Variants in PTK2 observed in about 807,000 individuals in gnomAD.
PTK2 encodes protein tyrosine kinase 2.
Under a neutral mutation model 150.1 loss-of-function variants are expected in PTK2, and 45 were observed. The observed-to-expected ratio is 0.30, with a 90% CI of 0.24 to 0.38. The LOEUF is 0.38. PTK2 is among the 10% of genes least tolerant of loss of function. PTK2 has a pLI of 1.00. For missense variants in PTK2, 919 were observed against 1,307.3 expected, an observed-to-expected ratio of 0.70 and a Z score of 4.58; for synonymous variants, 432 against 449.2, an observed-to-expected ratio of 0.96 and a Z score of 0.48.
rs528775290 is a variant in PTK2 at position 140,693,475 on chromosome 8, G to T, written c.2500-6781C>A. 5.4e-5 allele frequency among the ~76,000 whole-genome samples: 8 copies of T among 146,946 alleles called. No individual in the cohort carries two copies. In the South Asian group the frequency reaches 1.5e-3, roughly 28 times the overall value. On this transcript the variant is annotated intron_variant, in intron 26 of 31. Coordinates refer to ENST00000522684, the Ensembl canonical transcript of PTK2. ...TGGAAGGAGGCTGAGGCAGGAGGAT[G>T]ACTTGAGCCCAGGAGGTTAGGGATG...
intron 22 of PTK2, among the ~76,000 whole-genome samples, chr8:140,722,453 A>T (rs2100043470): frequency 6.6e-6 from 1 of 151,680 alleles, no homozygotes; most frequent in South Asian, 2.1e-4. Context: ...TTAAATAATA[A>T]ATAAAAATCT....
intron 10 of PTK2, among the ~76,000 whole-genome samples, chr8:140,817,783 A>T (rs933203487): frequency 6.6e-6 from 1 of 152,224 alleles, no homozygotes; most frequent in Admixed American, 6.5e-5. Context: ...TCTGCTAGGA[A>T]GATAACAAAA....
intron 10 of PTK2, among the ~76,000 whole-genome samples, chr8:140,815,282 A>G (rs2100104050): frequency 6.6e-6 from 1 of 152,032 alleles, no homozygotes; most frequent in Non-Finnish European, 1.5e-5. Flanking sequence ...GCTGGAGGCC[A>G]TTATCTTTAG....
chr8:140,944,188 C>T (rs1569324241), intron 1 of PTK2, among the ~76,000 whole-genome samples: 1 of 152,094 alleles, frequency 6.6e-6, no homozygotes, highest in Non-Finnish European at 1.5e-5. Context: ...CAAAATTTTC[C>T]CTGTTTTGAC....
intron 4 of PTK2, among the ~76,000 whole-genome samples, chr8:140,870,268 T>TA (rs2100141749): frequency 6.6e-6 from 1 of 152,208 alleles, no homozygotes; most frequent in East Asian, 1.9e-4. Flanking sequence ...ACAATACACT[T>TA]AATCACCCCT....
chr8:140,875,245 T>G (rs2100144829), intron 4 of PTK2, among the ~76,000 whole-genome samples: 1 of 151,376 alleles, frequency 6.6e-6, no homozygotes, highest in Admixed American at 6.6e-5. Flanking sequence ...GGAGCTAGAG[T>G]TGAGAAAGTG....
rs114226321 is a variant in PTK2 at position 140,764,172 on chromosome 8, C to T, written c.1234+62G>A. The stretch of plus-strand genomic sequence containing the variant: ...CTAAAAAGACAGTAAGTATCAATAA[C>T]TTTTAAATGCAAGGAGGCATCTGTC... On this transcript the variant is annotated intron_variant, in intron 15 of 31. Transcript: ENST00000522684. 2.9e-6 allele frequency: 4 copies of T among 1,358,706 alleles called. No homozygotes were observed. The African/African-American group carries it at 5.7e-5, about 19-fold the overall frequency. The allele number at this position is 1,358,706 out of a possible 1,614,324, so 84.2% of individuals were successfully genotyped here.
intron 3 of PTK2, among the ~76,000 whole-genome samples, chr8:140,885,622 G>A (rs1286285043): frequency 6.6e-6 from 1 of 152,212 alleles, no homozygotes; most frequent in African/African-American, 2.4e-5. Context: ...AGGGCAGGGT[G>A]AGAACAAGCA....
intron 4 of PTK2, among the ~76,000 whole-genome samples, chr8:140,878,751 C>T (rs2100147152): frequency 6.6e-6 from 1 of 151,440 alleles, no homozygotes; most frequent in African/African-American, 2.4e-5. Flanking sequence ...AAATTAGAAC[C>T]CTAGTGAAAG....
At chr8:140,827,403 C>T (rs930942194) in intron 8 of PTK2, among the ~76,000 whole-genome samples, 11 of 152,046 alleles carry the variant, frequency 7.2e-5, no homozygotes, top group African/African-American at 2.4e-4. Context: ...TTATCTGATA[C>T]CCAGGTACAG....
intron 12 of PTK2, among the ~76,000 whole-genome samples, chr8:140,798,036 T>C (rs572497486): frequency 6.6e-6 from 1 of 152,154 alleles, no homozygotes; most frequent in African/African-American, 2.4e-5. Context: ...CCAATTCACA[T>C]GTAGAATGTA....
At chr8:140,855,539 G>A (rs559407269) in intron 5 of PTK2, among the ~76,000 whole-genome samples, 218 of 152,118 alleles carry the variant, frequency 1.4e-3, no homozygotes, top group African/African-American at 4.9e-3. Flanking sequence ...AGGTTGCAGT[G>A]AGCCAAGATC....
At chr8:140,955,362 C>A (rs1306511641) in intron 1 of PTK2, among the ~76,000 whole-genome samples, 6 of 152,144 alleles carry the variant, frequency 3.9e-5, no homozygotes, top group African/African-American at 9.7e-5. Context: ...CTCTCTCTTG[C>A]CTGCTGCCGT....
At chr8:140,929,044 C>A (rs1041731151) in intron 1 of PTK2, among the ~76,000 whole-genome samples, 55 of 132,034 alleles carry the variant, frequency 4.2e-4, no homozygotes, top group Admixed American at 1.3e-3. Flanking sequence ...CGGCTCACTG[C>A]AAGCTCCGCC....
At chr8:140,660,348 C>T (rs2152468925) in intron 31 of PTK2, among the ~76,000 whole-genome samples, 1 of 152,272 alleles carries the variant, frequency 6.6e-6, no homozygotes, top group Admixed American at 6.5e-5. Flanking sequence ...AGGACAAAAG[C>T]CTCAGTTCTG....
chr8:140,877,660 A>T (rs970842548), intron 4 of PTK2, among the ~76,000 whole-genome samples: 1 of 151,998 alleles, frequency 6.6e-6, no homozygotes, highest in African/African-American at 2.4e-5. Context: ...TGTCATCATC[A>T]TCATCATCAT....
At chr8:140,760,680 C>G (rs1027724174) in intron 16 of PTK2, among the ~76,000 whole-genome samples, 2 of 152,170 alleles carry the variant, frequency 1.3e-5, no homozygotes, top group African/African-American at 4.8e-5. Flanking sequence ...TTTGTGAATA[C>G]ACTGAAAAGC....
intron 1 of PTK2, among the ~76,000 whole-genome samples, chr8:140,985,225 G>A (rs371016114): frequency 2.6e-5 from 4 of 152,072 alleles, no homozygotes; most frequent in East Asian, 1.9e-4. Context: ...CCGGGCTCAA[G>A]CAATACTCCC....
chr8:140,800,334 G>A, intron 12 of PTK2, 125 bp downstream of exon 12: 1 of 807,268 alleles, frequency 1.2e-6, no homozygotes, highest in South Asian at 1.5e-5. Context: ...ATTATACTGA[G>A]CTGAATTATT....
Sources: gnomAD v4.1 joint callset for allele counts (sites outside exome capture counted in the v4.1 genomes callset) on GRCh38, gnomAD v4.1.1 for gene constraint, MANE v1.5 for transcripts, NCBI Gene and HGNC (gene_info 2026-07-23, HGNC 2026-07-21) for gene names.